Variants in FOXP2 observed in about 807,000 individuals in gnomAD.
FOXP2 encodes the protein forkhead box P2, also known as forkhead box protein P2.
FOXP2 carries 12 observed loss-of-function variants against 115.8 expected under a neutral mutation model. That is an observed-to-expected ratio of 0.10 (90% CI 0.07 to 0.17). FOXP2 has a LOEUF of 0.17. Ranked by LOEUF, FOXP2 falls within the 10% of genes least tolerant of loss-of-function variation. FOXP2 has a pLI of 1.00. For synonymous variants in FOXP2, 328 were observed against 297.7 expected (o/e 1.10, Z -1.05); for missense variants, 629 against 843.5 (o/e 0.75, Z 3.15).
intron 1 of FOXP2, among the ~76,000 whole-genome samples, chr7:114,254,293 G>A (rs1163320112): frequency 6.6e-6 from 1 of 152,130 alleles, no homozygotes; most frequent in African/African-American, 2.4e-5. Flanking sequence ...TTCTTTAGGA[G>A]TATCTTTGTG....
intron 1 of FOXP2, among the ~76,000 whole-genome samples, chr7:114,188,943 C>T (rs1487955013): frequency 6.6e-6 from 1 of 152,082 alleles, no homozygotes; most frequent in Non-Finnish European, 1.5e-5. Flanking sequence ...AGAGAACAAC[C>T]ATAACATTTA....
intron 1 of FOXP2, among the ~76,000 whole-genome samples, chr7:114,106,058 T>A (rs1791104342): frequency 6.6e-6 from 1 of 152,074 alleles, no homozygotes; most frequent in Non-Finnish European, 1.5e-5. Context: ...GCAGGAATAT[T>A]TGTTAATGGA....
intron 2 of FOXP2, among the ~76,000 whole-genome samples, chr7:114,514,166 G>T (rs1025344552): frequency 4.6e-5 from 7 of 151,248 alleles, no homozygotes; most frequent in Admixed American, 6.6e-5. Flanking sequence ...AAGTTATATT[G>T]TATATATACA....
chr7:114,570,284 A>G (rs1295606652), intron 3 of FOXP2, among the ~76,000 whole-genome samples: 2 of 151,928 alleles, frequency 1.3e-5, no homozygotes, highest in African/African-American at 4.8e-5. Context: ...AATAATTTTT[A>G]TATAATAATG....
intron 3 of FOXP2, among the ~76,000 whole-genome samples, chr7:114,564,598 G>T (rs897919728): frequency 6.6e-6 from 1 of 152,010 alleles, no homozygotes; most frequent in African/African-American, 2.4e-5. Flanking sequence ...CTAGAAATAT[G>T]ACCAGGTGTA....
chr7:114,115,689 A>G (rs1402762084), intron 1 of FOXP2, among the ~76,000 whole-genome samples: 4 of 152,028 alleles, frequency 2.6e-5, no homozygotes, highest in Admixed American at 6.6e-5. Context: ...GATCTATGCT[A>G]TGGGTTCTCA....
At chr7:114,612,414 G>A (rs2129318747) in intron 3 of FOXP2, among the ~76,000 whole-genome samples, 1 of 151,246 alleles carries the variant, frequency 6.6e-6, no homozygotes, top group South Asian at 2.1e-4. Context: ...TGTATATATG[G>A]GATTTTTAAT....
intron 3 of FOXP2, among the ~76,000 whole-genome samples, chr7:114,556,139 T>C (rs1800442284): frequency 6.6e-6 from 1 of 152,146 alleles, no homozygotes. Context: ...TAAGAAGTTT[T>C]TTGCTGGAGT....
chr7:114,227,215 T>A (rs554294438), intron 1 of FOXP2, among the ~76,000 whole-genome samples: 1 of 152,230 alleles, frequency 6.6e-6, no homozygotes, highest in East Asian at 1.9e-4. Context: ...ATTATTTGGT[T>A]ATGGTGGAAT....
chr7:114,225,628 GT>G (rs1343501030), intron 1 of FOXP2, among the ~76,000 whole-genome samples: 8 of 151,260 alleles, frequency 5.3e-5, no homozygotes, highest in Non-Finnish European at 8.9e-5. Flanking sequence ...ATTTTTTTTT[GT>G]TGTTGTGTAG....
chr7:114,616,670 G>A (rs1217636079), intron 3 of FOXP2, among the ~76,000 whole-genome samples: 1 of 152,034 alleles, frequency 6.6e-6, no homozygotes, highest in East Asian at 1.9e-4. Context: ...CTCTTATTCT[G>A]CAGGCCTCAT....
In FOXP2 at chr7:114,654,075, A is replaced by G. The variant is rs764277465; in HGVS notation, c.1266+66A>G. 6 of 1,610,970 alleles carry G rather than the reference A, an allele frequency of 3.7e-6. No individual in the cohort carries two copies. The South Asian group carries it at 4.4e-5, about 12-fold the overall frequency. On this transcript the variant is annotated intron_variant, in intron 10 of 16. Coordinates refer to ENST00000350908, the MANE Select transcript of FOXP2 (RefSeq NM_014491.4). ...AATGTAACAGACTAAGAAAATGAAC[A>G]ATTTAGTGACAGTTAGAAAACAATG...
chr7:114,480,019 A>G (rs943333111), intron 2 of FOXP2, among the ~76,000 whole-genome samples: 2 of 151,370 alleles, frequency 1.3e-5, no homozygotes, highest in African/African-American at 2.4e-5. Flanking sequence ...CCACAGAGTA[A>G]TTTCTTGCTC....
At chr7:114,117,639 C>G (rs1311527566) in intron 1 of FOXP2, among the ~76,000 whole-genome samples, 1 of 152,018 alleles carries the variant, frequency 6.6e-6, no homozygotes, top group Non-Finnish European at 1.5e-5. Flanking sequence ...AAATTAAAGC[C>G]TTGATAAATT....
intron 2 of FOXP2, among the ~76,000 whole-genome samples, chr7:114,364,584 A>G (rs1461980900): frequency 1.3e-5 from 2 of 152,218 alleles, no homozygotes; most frequent in African/African-American, 4.8e-5. Flanking sequence ...AATAGATAAA[A>G]TACTTTCTTC....
rs1248741262 is a variant in FOXP2, at chr7:114,127,620, T to C, written c.-246-35324T>C. ...CGAAGAAGGTATTAGATTGATGAAG[T>C]AGAAGAGTTTGCCAACAAGGTAGAA... On this transcript the variant is annotated intron_variant, in intron 1 of 19. Transcript: ENST00000635638. Among the ~76,000 whole-genome samples the C allele has an allele frequency of 3.9e-5, 6 of 152,202 alleles. No individual in the cohort carries two copies. In the South Asian group the frequency reaches 1.2e-3, roughly 32 times the overall value.
At chr7:114,679,284 T>C in intron 16 of FOXP2, among the ~76,000 whole-genome samples, 1 of 152,158 alleles carries the variant, frequency 6.6e-6, no homozygotes, top group Middle Eastern at 3.2e-3. Context: ...AATTTAAAAG[T>C]AGTAAATGCA....
chr7:114,389,430 C>T (rs1444256171), intron 2 of FOXP2, among the ~76,000 whole-genome samples: 4 of 152,176 alleles, frequency 2.6e-5, no homozygotes, highest in Admixed American at 2.0e-4. Context: ...GGTTGTGTGC[C>T]TTGGGAATCA....
chr7:114,256,431 A>G (rs1795615375), intron 1 of FOXP2, among the ~76,000 whole-genome samples: 1 of 151,926 alleles, frequency 6.6e-6, no homozygotes, highest in Admixed American at 6.6e-5. Context: ...TGTGGTTTTT[A>G]TTTGCATTTC....
Sources: allele counts gnomAD v4.1 joint callset (sites outside exome capture counted in the v4.1 genomes callset), GRCh38; gene constraint gnomAD v4.1.1; transcripts MANE v1.5; gene names NCBI Gene and HGNC (gene_info 2026-07-23, HGNC 2026-07-21).